GLYATL2: variants seen among roughly 807,000 people sequenced by gnomAD.
GLYATL2 encodes the protein glycine-N-acyltransferase like 2, also known as glycine N-acyltransferase-like protein 2.
GLYATL2 carries 25 observed loss-of-function variants against 21.4 expected under a neutral mutation model. The observed-to-expected ratio is 1.17, with a 90% CI of 0.85 to 1.63. The LOEUF (loss-of-function observed/expected upper bound fraction) is 1.63, where lower values mean the gene tolerates loss of function less well. GLYATL2 is among the 40% of genes most tolerant of loss of function. The probability of loss-of-function intolerance (pLI) is 0.00; values close to 1 mark genes in which losing one functional copy is unlikely to be tolerated. For synonymous variants in GLYATL2, 114 were observed against 118.2 expected, an observed-to-expected ratio of 0.96 and a Z score of 0.23; for missense variants, 361 against 343.3, an observed-to-expected ratio of 1.05 and a Z score of -0.41.
At chr11:58,860,958 G>T (rs1353146057) in intron 1 of GLYATL2, among the ~76,000 whole-genome samples, 1 of 152,044 alleles carries the variant, frequency 6.6e-6, no homozygotes, top group East Asian at 1.9e-4. Flanking sequence ...ACTGTATCAT[G>T]ATTAATGACC....
At chr11:58,853,523 A>G (rs533438) in intron 1 of GLYATL2, among the ~76,000 whole-genome samples, 132,162 of 151,960 alleles carry the variant, frequency 0.87, 58,692 homozygotes, top group Non-Finnish European at 0.96. Flanking sequence ...TGTAGTATCA[A>G]CTGGAAGTAT....
At chr11:58,886,945 C>T (rs971100931) in intron 1 of GLYATL2, among the ~76,000 whole-genome samples, 1 of 152,222 alleles carries the variant, frequency 6.6e-6, no homozygotes, top group African/African-American at 2.4e-5. Context: ...CTGAGCCTAA[C>T]ACCTTCCCTA....
chr11:58,900,178 G>A lies in GLYATL2; in HGVS notation n.60+3978C>T, dbSNP rs959619406. On this transcript the variant is annotated intron_variant and non_coding_transcript_variant, in intron 1 of 4. Coordinates refer to the GLYATL2 transcript ENST00000533636. ...CTAAGAAATGAATGAGTGAATGAAC[G>A]CGTGGACAGCAGGATGGATCAGTGA... Among the ~76,000 whole-genome samples the A allele has an allele frequency of 4.6e-5, 7 of 152,070 alleles. No individual in the cohort carries two copies. In the East Asian group the frequency reaches 1.2e-3, roughly 25 times the overall value.
intron 1 of GLYATL2, among the ~76,000 whole-genome samples, chr11:58,898,235 T>A (rs1854667451): frequency 6.6e-6 from 1 of 152,224 alleles, no homozygotes; most frequent in African/African-American, 2.4e-5. Flanking sequence ...TGCTGCCTCC[T>A]CACATCCAGA....
chr11:58,886,158 A>T (rs940781335), intron 1 of GLYATL2, among the ~76,000 whole-genome samples: 6 of 152,206 alleles, frequency 3.9e-5, no homozygotes, highest in African/African-American at 1.2e-4. Flanking sequence ...TCGAGGTTGC[A>T]TTGAGCCAAG....
At chr11:58,881,186 A>G (rs1467300407) in intron 1 of GLYATL2, among the ~76,000 whole-genome samples, 1 of 152,228 alleles carries the variant, frequency 6.6e-6, no homozygotes, top group Non-Finnish European at 1.5e-5. Flanking sequence ...TATGTATTAC[A>G]TTGTGTAATC....
rs547731538 is a variant in GLYATL2, at chr11:58,867,026, A to G, written n.61-28658T>C. 4.0e-5 allele frequency among the ~76,000 whole-genome samples: 6 copies of G among 148,966 alleles called. 2 individuals carry two copies. On this transcript the variant is annotated intron_variant and non_coding_transcript_variant, in intron 1 of 4. Transcript: ENST00000533636. ...GAAAGAAGCAGCCCAGAGGCCCTTG[A>G]CACATTGTGAGAGTATGCAGAGGGT... is the stretch of plus-strand genomic sequence containing the variant.
At chr11:58,880,550 AAGG>A (rs1386817621) in intron 1 of GLYATL2, among the ~76,000 whole-genome samples, 5 of 152,232 alleles carry the variant, frequency 3.3e-5, no homozygotes, top group Non-Finnish European at 7.4e-5. Context: ...CAAAACTTTA[AAGG>A]AGAAGACAAT....
At chr11:58,839,055 C>A (rs1853495634) in intron 2 of GLYATL2, among the ~76,000 whole-genome samples, 1 of 152,018 alleles carries the variant, frequency 6.6e-6, no homozygotes, top group Non-Finnish European at 1.5e-5. Flanking sequence ...CTGTGAGGGG[C>A]TCAATATTTG....
chr11:58,838,603 C>A (rs912459474), intron 2 of GLYATL2, among the ~76,000 whole-genome samples: 1 of 152,162 alleles, frequency 6.6e-6, no homozygotes, highest in Non-Finnish European at 1.5e-5. Flanking sequence ...TAGGAACTGG[C>A]TTCCCTGATA....
chr11:58,886,227 G>T (rs975356890), intron 1 of GLYATL2, among the ~76,000 whole-genome samples: 3 of 152,042 alleles, frequency 2.0e-5, no homozygotes, highest in African/African-American at 7.2e-5. Context: ...AAAAAAAAAT[G>T]TTATTTCTCA....
intron 1 of GLYATL2, chr11:58,893,442 G>A: frequency 4.3e-6 from 1 of 235,052 alleles, no homozygotes; most frequent in South Asian, 8.4e-5. Context: ...GCTACCCACA[G>A]AATCTAGTTC....
upstream of GLYATL2, chr11:58,907,186 G>A: frequency 2.2e-6 from 1 of 453,442 alleles, no homozygotes; most frequent in South Asian, 1.6e-5. Flanking sequence ...AATACTTTAG[G>A]GGAAACCTCT....
intron 1 of GLYATL2, among the ~76,000 whole-genome samples, chr11:58,890,338 T>C (rs1369418364): frequency 6.6e-6 from 1 of 152,014 alleles, no homozygotes; most frequent in Admixed American, 6.6e-5. Context: ...CAAAAGAAAA[T>C]GACTCAATCT....
intron 3 of GLYATL2, 141 bp from the exon 4 acceptor site, chr11:58,837,538 C>CTTCAAGAA: frequency 1.3e-6 from 1 of 741,334 alleles, no homozygotes; most frequent in Non-Finnish European, 2.2e-6. Flanking sequence ...CTTGGAGTCA[C>CTTCAAGAA]TTCAAGAATA....
At chr11:58,851,567 T>TA (rs11377596) in intron 1 of GLYATL2, among the ~76,000 whole-genome samples, 134,554 of 151,980 alleles carry the variant, frequency 0.89, 60,765 homozygotes, top group Non-Finnish European at 0.98. Context: ...TAAAAAGAAT[T>TA]AAAAAAACAA....
rs541035091 is a variant in GLYATL2, at chr11:58,851,327, T to C, written n.61-12959A>G. On this transcript the variant is annotated intron_variant and non_coding_transcript_variant, in intron 1 of 4. Transcript: ENST00000533636. The stretch of plus-strand genomic sequence containing the variant: ...CTGTGGGGCTGGCCACTACCCTTTT[T>C]AGCATCCATTGAGATGATTATATGG... 7.2e-5 allele frequency among the ~76,000 whole-genome samples: 11 copies of C among 152,326 alleles called. 1 individual carries two copies. The South Asian group carries it at 2.1e-3, about 29-fold the overall frequency.
chr11:58,907,325 T>C (rs539903919), upstream of GLYATL2: 2 of 456,338 alleles, frequency 4.4e-6, no homozygotes, highest in African/African-American at 2.0e-5. Context: ...TCCAATTGTC[T>C]TTGTCTTGCT....
chr11:58,864,524 C>A (rs1309914452), intron 1 of GLYATL2, among the ~76,000 whole-genome samples: 1 of 149,028 alleles, frequency 6.7e-6, no homozygotes, highest in Non-Finnish European at 1.5e-5. Flanking sequence ...TGTTTTTGGT[C>A]CAAACCAAAG....
Sources: allele counts gnomAD v4.1 joint callset (sites outside exome capture counted in the v4.1 genomes callset), GRCh38; gene constraint gnomAD v4.1.1; transcripts MANE v1.5; gene names NCBI Gene and HGNC (gene_info 2026-07-23, HGNC 2026-07-21).